SHROOM3: variants seen among roughly 807,000 people sequenced by gnomAD.
The protein encoded by SHROOM3 is shroom family member 3, also known as protein Shroom3.
In SHROOM3, 47 loss-of-function variants were observed where a neutral mutation model predicts 138.6. The ratio of observed to expected loss-of-function variants is 0.34; its 90% CI spans 0.27 to 0.43. SHROOM3 has a LOEUF of 0.43. SHROOM3 is among the 20% of genes least tolerant of loss of function. The pLI is 1.00. For synonymous variants in SHROOM3, 1,062 were observed against 1,063.3 expected, an observed-to-expected ratio of 1.00 and a Z score of 0.02; for missense variants, 2,491 against 2,596.5, an observed-to-expected ratio of 0.96 and a Z score of 0.88.
intron 2 of SHROOM3, among the ~76,000 whole-genome samples, chr4:76,565,944 C>A (rs1291030133): frequency 6.6e-6 from 1 of 151,880 alleles, no homozygotes; most frequent in East Asian, 1.9e-4. Context: ...CATTGCAAGA[C>A]CCTGTCTCTA....
rs539103824 is a variant in SHROOM3 at position 76,774,862 on chromosome 4, T to G, written c.5623-3947T>G. On this transcript the variant is annotated intron_variant, in intron 10 of 10. Transcript: ENST00000296043. ...TAGGGGGATTTAGGGCAAAGACACA[T>G]GAGTCTTTGATAACCCTACATAAGC... Among the ~76,000 whole-genome samples the G allele has an allele frequency of 8.8e-4, 134 of 152,182 alleles. 1 individual carries two copies. Among genetic ancestry groups the G allele is most frequent in the Non-Finnish European group, 1.6e-3 (112 of 68,006 alleles).
intron 1 of SHROOM3, among the ~76,000 whole-genome samples, chr4:76,508,453 G>A (rs561831007): frequency 1.3e-5 from 2 of 152,218 alleles, no homozygotes; most frequent in East Asian, 1.9e-4. Context: ...CTTGATTACT[G>A]TGGCTTTGTA....
Position 76,757,078 on chromosome 4 carries a change from G to A in SHROOM3, c.5198+141G>A, listed in dbSNP as rs149151293. On this transcript the variant is annotated intron_variant, in intron 8 of 10. Coordinates refer to ENST00000296043, the MANE Select transcript of SHROOM3 (RefSeq NM_020859.4). ...AGAGTGACATTTTATCTCAGTCTTG[G>A]AGGAATGGCTCTGGCAGTGAGGATG... 3.4e-4 allele frequency: 453 copies of A among 1,347,144 alleles called. No individual in the cohort carries two copies. The African/African-American group carries it at 6.0e-3, about 18-fold the overall frequency. The allele number at this position is 1,347,144 out of a possible 1,614,324, so 83.4% of individuals were successfully genotyped here. A position where few individuals can be genotyped will look rare whatever the true frequency, so the allele number is the denominator to read the frequency against.
At chr4:76,634,232 T>G (rs547201976) in intron 2 of SHROOM3, among the ~76,000 whole-genome samples, 1 of 152,312 alleles carries the variant, frequency 6.6e-6, no homozygotes, top group South Asian at 2.1e-4. Context: ...TGTTTTTAAG[T>G]GCCTCTTACT....
intron 2 of SHROOM3, chr4:76,573,420 T>C (rs1388819772): frequency 6.7e-6 from 1 of 148,768 alleles, no homozygotes; most frequent in East Asian, 2.0e-4. Flanking sequence ...ATAATAATAA[T>C]AATAATAATT....
chr4:76,489,204 A>T lies in SHROOM3; in HGVS notation c.168+52984A>T, dbSNP rs536424249. On this transcript the variant is annotated intron_variant, in intron 1 of 10. Transcript: ENST00000296043. Reference sequence around the variant, plus strand: ...TCCTTTGTGGCTAGAAGATGTCAACAGGCACAGATCTAGCTCATCTTTCAA... The same window carrying T: ...TCCTTTGTGGCTAGAAGATGTCAACTGGCACAGATCTAGCTCATCTTTCAA... 2.0e-5 allele frequency among the ~76,000 whole-genome samples: 3 copies of T among 152,378 alleles called. No homozygotes were observed. The East Asian group carries it at 5.8e-4, about 29-fold the overall frequency.
chr4:76,462,601 T>TTC (rs1435426734), intron 1 of SHROOM3, among the ~76,000 whole-genome samples: 1 of 152,122 alleles, frequency 6.6e-6, no homozygotes, highest in African/African-American at 2.4e-5. Context: ...CCCTTGCTGT[T>TTC]CTCATGATAG....
chr4:76,436,345 G>A (rs189707263), intron 1 of SHROOM3, 125 bp downstream of exon 1: 63 of 1,062,788 alleles, frequency 5.9e-5, no homozygotes, highest in South Asian at 1.3e-4. Flanking sequence ...ATGCCTTTCT[G>A]ATTATCTAGA....
rs184808678 is a variant in SHROOM3 at position 76,674,364 on chromosome 4, G to A, written c.324-35792G>A. ...TTTCTTCTCTCCTACACATTTTCAG[G>A]TAGGTGAGACAGGAACTCATTCACA... On this transcript the variant is annotated intron_variant, in intron 2 of 10. Coordinates refer to ENST00000296043, the MANE Select transcript of SHROOM3 (RefSeq NM_020859.4). Among the ~76,000 whole-genome samples, 162 of 151,834 alleles carry A rather than the reference G, an allele frequency of 1.1e-3. 1 individual carries two copies. In the East Asian group the frequency reaches 0.017, roughly 16 times the overall value.
In SHROOM3 at chr4:76,681,737, C is replaced by T. The variant is rs552474567; in HGVS notation, c.324-28419C>T. Among the ~76,000 whole-genome samples, 4 of 152,128 alleles carry T rather than the reference C, an allele frequency of 2.6e-5. No individual in the cohort carries two copies. In the South Asian group the frequency reaches 8.3e-4, roughly 32 times the overall value. Reference sequence around the variant, plus strand: ...GGGATGTTGGTATCTGCAGCCTTTTCAGATGGATTAGGAATCTGTGCCCTC... The same window carrying T: ...GGGATGTTGGTATCTGCAGCCTTTTTAGATGGATTAGGAATCTGTGCCCTC... On this transcript the variant is annotated intron_variant, in intron 2 of 10. Coordinates refer to ENST00000296043, the MANE Select transcript of SHROOM3 (RefSeq NM_020859.4).
At chr4:76,669,533 G>A (rs1034287446) in intron 2 of SHROOM3, among the ~76,000 whole-genome samples, 6 of 151,716 alleles carry the variant, frequency 4.0e-5, no homozygotes, top group African/African-American at 1.5e-4. Context: ...AGAATCACTT[G>A]AACCCGGGAG....
chr4:76,473,358 A>G (rs1265256994), intron 1 of SHROOM3, among the ~76,000 whole-genome samples: 3 of 152,318 alleles, frequency 2.0e-5, no homozygotes, highest in Admixed American at 6.5e-5. Context: ...CTTTAATCCC[A>G]GTGCTTTGGG....
At chr4:76,639,064 A>G (rs1735585148) in intron 2 of SHROOM3, among the ~76,000 whole-genome samples, 1 of 152,106 alleles carries the variant, frequency 6.6e-6, no homozygotes, top group Non-Finnish European at 1.5e-5. Flanking sequence ...GAGAATCGCT[A>G]TCCCCCAGAC....
chr4:76,596,696 C>A (rs1258960660), intron 2 of SHROOM3, among the ~76,000 whole-genome samples: 1 of 152,100 alleles, frequency 6.6e-6, no homozygotes, highest in Non-Finnish European at 1.5e-5. Context: ...CCATCTCCAT[C>A]CCTGGCCTTC....
intron 1 of SHROOM3, among the ~76,000 whole-genome samples, chr4:76,496,558 A>C (rs552852127): frequency 1.4e-4 from 22 of 152,140 alleles, no homozygotes; most frequent in African/African-American, 3.9e-4. Context: ...CTCCTGGTAA[A>C]TCTCCCAGTC....
intron 1 of SHROOM3, among the ~76,000 whole-genome samples, chr4:76,457,481 CTCTTT>C (rs1211784532): frequency 6.6e-6 from 1 of 151,840 alleles, no homozygotes; most frequent in East Asian, 1.9e-4. Flanking sequence ...TCAACTAAAC[CTCTTT>C]TCTTTATAAT....
At chr4:76,468,573 ATAAT>A (rs1447002054) in intron 1 of SHROOM3, among the ~76,000 whole-genome samples, 1 of 151,168 alleles carries the variant, frequency 6.6e-6, no homozygotes, top group African/African-American at 2.4e-5. Flanking sequence ...AATTATTATG[ATAAT>A]TAAAGCCAAA....
chr4:76,676,944 C>CAAAAAAAAAAAAAAAAAAAAA (rs58270392), intron 2 of SHROOM3, among the ~76,000 whole-genome samples: 5 of 79,046 alleles, frequency 6.3e-5, no homozygotes, highest in African/African-American at 2.8e-4. Context: ...CTCCGTCTCA[C>CAAAAAAAAAAAAAAAAAAAAA]AAAAAAAAAA....
chr4:76,651,334 C>A (rs1282669723), intron 2 of SHROOM3, among the ~76,000 whole-genome samples: 1 of 145,380 alleles, frequency 6.9e-6, no homozygotes, highest in Non-Finnish European at 1.5e-5. Flanking sequence ...GGGATGGATA[C>A]CCCATTCTCC....
Sources: allele counts gnomAD v4.1 joint callset (sites outside exome capture counted in the v4.1 genomes callset), GRCh38; gene constraint gnomAD v4.1.1; transcripts MANE v1.5; gene names NCBI Gene and HGNC (gene_info 2026-07-23, HGNC 2026-07-21).